TAFA2: variants seen among roughly 807,000 people sequenced by gnomAD.
The protein encoded by TAFA2 is TAFA chemokine like family member 2.
TAFA2 carries 7 observed loss-of-function variants against 18.8 expected under a neutral mutation model. That is an observed-to-expected ratio of 0.37 (90% confidence interval 0.21 to 0.70). The LOEUF is 0.70. TAFA2 is among the 30% of genes least tolerant of loss of function. The pLI is 0.53. For missense variants in TAFA2, 122 were observed against 158.1 expected (o/e 0.77, Z 1.23); for synonymous variants, 60 against 54.2 (o/e 1.11, Z -0.47).
At chr12:62,111,263 C>T (rs1055870691) in intron 1 of TAFA2, among the ~76,000 whole-genome samples, 21 of 152,010 alleles carry the variant, frequency 1.4e-4, no homozygotes, top group African/African-American at 4.8e-4. Flanking sequence ...TCATTCAGGA[C>T]CAGGTTGTTC....
At chr12:62,199,843 A>G (rs1220591349) in intron 1 of TAFA2, among the ~76,000 whole-genome samples, 2 of 152,136 alleles carry the variant, frequency 1.3e-5, no homozygotes. Flanking sequence ...TGTCTTCCAC[A>G]ATGGTTGAAC....
chr12:62,117,216 T>C (rs1195828966), intron 1 of TAFA2, among the ~76,000 whole-genome samples: 1 of 152,228 alleles, frequency 6.6e-6, no homozygotes, highest in East Asian at 1.9e-4. Flanking sequence ...AAATAGTATT[T>C]ACAAATTCTA....
intron 1 of TAFA2, among the ~76,000 whole-genome samples, chr12:62,210,653 T>C (rs116542184): frequency 6.6e-6 from 1 of 152,184 alleles, no homozygotes; most frequent in African/African-American, 2.4e-5. Context: ...AGCATGTACA[T>C]ATTGAAGATG....
chr12:61,893,736 T>C (rs1420893441), intron 1 of TAFA2, among the ~76,000 whole-genome samples: 1 of 152,230 alleles, frequency 6.6e-6, no homozygotes, highest in African/African-American at 2.4e-5. Flanking sequence ...TATGTTTTAG[T>C]TTGTGCAAAA....
chr12:62,080,912 T>C (rs373022033), intron 1 of TAFA2, among the ~76,000 whole-genome samples: 1 of 152,118 alleles, frequency 6.6e-6, no homozygotes, highest in East Asian at 1.9e-4. Context: ...AACATTCCCC[T>C]GGCCAGGCGC....
chr12:62,148,654 A>G (rs2062304738), intron 1 of TAFA2, among the ~76,000 whole-genome samples: 1 of 152,156 alleles, frequency 6.6e-6, no homozygotes, highest in South Asian at 2.1e-4. Flanking sequence ...CACTCAATAT[A>G]CCCATATAAC....
chr12:62,165,824 C>G (rs972482066), intron 1 of TAFA2, among the ~76,000 whole-genome samples: 4 of 152,018 alleles, frequency 2.6e-5, no homozygotes, highest in African/African-American at 9.7e-5. Context: ...TCCTCACAAT[C>G]TTACAAACTC....
intron 1 of TAFA2, among the ~76,000 whole-genome samples, chr12:62,119,573 A>G (rs1178782015): frequency 1.3e-5 from 2 of 152,234 alleles, no homozygotes; most frequent in African/African-American, 4.8e-5. Flanking sequence ...CTACTATGAC[A>G]TAATTTGTTT....
chr12:62,184,016 A>G (rs2062568189), intron 1 of TAFA2, among the ~76,000 whole-genome samples: 1 of 152,138 alleles, frequency 6.6e-6, no homozygotes, highest in South Asian at 2.1e-4. Flanking sequence ...AAATTATAAG[A>G]TTAAATCTGA....
chr12:62,203,969 G>C (rs2062682146), intron 1 of TAFA2, among the ~76,000 whole-genome samples: 1 of 152,172 alleles, frequency 6.6e-6, no homozygotes, highest in Non-Finnish European at 1.5e-5. Context: ...GTAGTGGCTG[G>C]TAATGGTTTT....
chr12:62,010,634 G>T (rs534247147), intron 1 of TAFA2, among the ~76,000 whole-genome samples: 25 of 152,006 alleles, frequency 1.6e-4, no homozygotes, highest in Non-Finnish European at 2.2e-4. Context: ...GAGGTGAGGA[G>T]CGCCTCTGCC....
intron 1 of TAFA2, among the ~76,000 whole-genome samples, chr12:62,059,129 A>ATGTGTGTGTGTGTG (rs1565730990): frequency 4.9e-4 from 38 of 76,870 alleles, no homozygotes; most frequent in African/African-American, 1.8e-3. Flanking sequence ...ATATATATAT[A>ATGTGTGTGTGTGTG]TGTGTGTATA....
At chr12:61,840,067 C>T (rs1001044506) in intron 2 of TAFA2, among the ~76,000 whole-genome samples, 3 of 152,000 alleles carry the variant, frequency 2.0e-5, no homozygotes, top group African/African-American at 7.2e-5. Flanking sequence ...GAGCAGAGAG[C>T]CCACAAAAGG....
intron 1 of TAFA2, among the ~76,000 whole-genome samples, chr12:61,868,811 T>C (rs1438133207): frequency 3.3e-5 from 5 of 152,148 alleles, no homozygotes; most frequent in Admixed American, 6.5e-5. Context: ...AATAAAAACA[T>C]GAACTTCTAA....
chr12:62,110,117 T>A (rs11174327), intron 1 of TAFA2, among the ~76,000 whole-genome samples: 2 of 152,194 alleles, frequency 1.3e-5, no homozygotes, highest in Admixed American at 6.5e-5. Context: ...TGTGGGTTAG[T>A]CATAAATAGC....
chr12:61,922,143 T>A (rs181434637), intron 1 of TAFA2, among the ~76,000 whole-genome samples: 159 of 152,018 alleles, frequency 1.0e-3, no homozygotes, highest in Non-Finnish European at 1.6e-3. Context: ...AATGGAGCAG[T>A]TGGAAGGAGC....
At chr12:61,803,139 C>G (rs1871465912) in intron 2 of TAFA2, among the ~76,000 whole-genome samples, 1 of 151,708 alleles carries the variant, frequency 6.6e-6, no homozygotes, top group Admixed American at 6.6e-5. Flanking sequence ...AATACTTTAT[C>G]CAAGGAATAC....
intron 1 of TAFA2, among the ~76,000 whole-genome samples, chr12:61,930,596 C>A (rs1877514869): frequency 6.6e-6 from 1 of 152,180 alleles, no homozygotes; most frequent in Non-Finnish European, 1.5e-5. Flanking sequence ...AGCTGCTGAC[C>A]CTAATCACTC....
At chr12:62,013,675 T>A (rs1880838966) in intron 1 of TAFA2, among the ~76,000 whole-genome samples, 1 of 152,220 alleles carries the variant, frequency 6.6e-6, no homozygotes, top group African/African-American at 2.4e-5. Flanking sequence ...TGAACTGAAA[T>A]AATATGAAAT....
Sources: gnomAD v4.1 joint callset for allele counts (sites outside exome capture counted in the v4.1 genomes callset) on GRCh38, gnomAD v4.1.1 for gene constraint, MANE v1.5 for transcripts, NCBI Gene and HGNC (gene_info 2026-07-23, HGNC 2026-07-21) for gene names.